TRHDE: variants seen among roughly 807,000 people sequenced by gnomAD.
The protein encoded by TRHDE is thyrotropin releasing hormone degrading enzyme.
TRHDE carries 72 observed loss-of-function variants against 125.7 expected under a neutral mutation model. That is an observed-to-expected ratio of 0.57 (90% CI 0.47 to 0.70). The LOEUF (loss-of-function observed/expected upper bound fraction) is 0.70. TRHDE is among the 30% of genes least tolerant of loss of function. The pLI is 0.00. For missense variants in TRHDE, 1,110 were observed against 1,327.1 expected (o/e 0.84, Z 2.54); for synonymous variants, 509 against 509.1 (o/e 1.00, Z 0.00).
intron 2 of TRHDE, among the ~76,000 whole-genome samples, chr12:72,340,599 T>C (rs144252231): frequency 3.3e-5 from 5 of 152,212 alleles, no homozygotes; most frequent in Non-Finnish European, 5.9e-5. Flanking sequence ...TCAACTTCAC[T>C]CTATGCTGTT....
chr12:72,469,238 G>C (rs1876529620), intron 3 of TRHDE, among the ~76,000 whole-genome samples: 1 of 152,022 alleles, frequency 6.6e-6, no homozygotes, highest in Non-Finnish European at 1.5e-5. Context: ...AGCTTTCCCT[G>C]TAAGATATAT....
intron 3 of TRHDE, among the ~76,000 whole-genome samples, chr12:72,414,504 G>T (rs1054827673): frequency 6.6e-6 from 1 of 152,096 alleles, no homozygotes; most frequent in African/African-American, 2.4e-5. Flanking sequence ...AAAAGGCAAA[G>T]AATTTCTCAA....
intron 1 of TRHDE, among the ~76,000 whole-genome samples, chr12:72,099,023 G>A (rs1038339146): frequency 2.6e-5 from 4 of 152,054 alleles, no homozygotes; most frequent in African/African-American, 9.7e-5. Context: ...AAATTTGCCG[G>A]GCATGGTGGT....
intron 9 of TRHDE, among the ~76,000 whole-genome samples, chr12:72,564,118 T>TATC (rs1870316446): frequency 6.6e-6 from 1 of 152,050 alleles, no homozygotes; most frequent in Non-Finnish European, 1.5e-5. Context: ...CAGTGTCTTC[T>TATC]ATCTCTCTCT....
intron 2 of TRHDE, among the ~76,000 whole-genome samples, chr12:72,339,832 C>T (rs910214125): frequency 6.6e-6 from 1 of 151,714 alleles, no homozygotes; most frequent in African/African-American, 2.4e-5. Context: ...TAGTTGAGTT[C>T]TCCACTGGAA....
chr12:72,495,205 T>C (rs966537108), intron 5 of TRHDE, among the ~76,000 whole-genome samples: 11 of 151,658 alleles, frequency 7.3e-5, no homozygotes, highest in African/African-American at 2.4e-4. Flanking sequence ...ATTCAAAATA[T>C]CTCTCAGATC....
chr12:72,368,354 T>C (rs899597255), intron 2 of TRHDE, among the ~76,000 whole-genome samples: 2 of 151,982 alleles, frequency 1.3e-5, no homozygotes, highest in African/African-American at 2.4e-5. Flanking sequence ...ATGTGTCTTC[T>C]TTTTTTGCAT....
Position 72,370,579 on chromosome 12 carries a change from C to T in TRHDE, c.1189-7416C>T, listed in dbSNP as rs920853368. On this transcript the variant is annotated intron_variant, in intron 2 of 18. Coordinates refer to ENST00000261180, the MANE Select transcript of TRHDE (RefSeq NM_013381.3). ...TCACCTATCACTATATATCTCCTCA[C>T]TTTTCTAATTAGTCTTTCTGCCTGC... 2.0e-5 allele frequency among the ~76,000 whole-genome samples: 3 copies of T among 152,164 alleles called. No individual in the cohort carries two copies. In the South Asian group the frequency reaches 6.2e-4, roughly 32 times the overall value.
upstream of TRHDE, chr12:72,271,843 G>A (rs1389856874): frequency 4.5e-6 from 2 of 447,566 alleles, no homozygotes; most frequent in East Asian, 1.4e-4. Flanking sequence ...TGGCCCGGCC[G>A]GACACTTCTT....
chr12:72,338,602 C>A (rs572913573), intron 2 of TRHDE, among the ~76,000 whole-genome samples: 1 of 152,218 alleles, frequency 6.6e-6, no homozygotes, highest in African/African-American at 2.4e-5. Flanking sequence ...GGATAAGTTT[C>A]TTCTACTTCA....
intron 2 of TRHDE, among the ~76,000 whole-genome samples, chr12:72,120,356 T>C (rs1875549223): frequency 1.3e-5 from 2 of 151,988 alleles, no homozygotes; most frequent in Non-Finnish European, 2.9e-5. Flanking sequence ...GCTTACTCTT[T>C]CCATTTTAAA....
chr12:72,195,952 A>G (rs942956453), intron 2 of TRHDE, among the ~76,000 whole-genome samples: 1 of 152,204 alleles, frequency 6.6e-6, no homozygotes, highest in Non-Finnish European at 1.5e-5. Context: ...ATGGCTAGCC[A>G]GCTATCCAAG....
chr12:72,618,863 A>G (rs1361089711), intron 12 of TRHDE, 28 bp from the exon 13 acceptor site: 3 of 1,450,868 alleles, frequency 2.1e-6, no homozygotes, highest in Non-Finnish European at 2.7e-6. Context: ...GTGCATCATC[A>G]TGTATCTTTT....
chr12:72,088,365 AG>A (rs1388999641), intron 1 of TRHDE, among the ~76,000 whole-genome samples: 1 of 152,114 alleles, frequency 6.6e-6, no homozygotes, highest in Non-Finnish European at 1.5e-5. Flanking sequence ...AAGATCTGGG[AG>A]AATGGTGAGT....
At chr12:72,466,601 A>G (rs1361798955) in intron 3 of TRHDE, among the ~76,000 whole-genome samples, 1 of 152,196 alleles carries the variant, frequency 6.6e-6, no homozygotes, top group African/African-American at 2.4e-5. Flanking sequence ...TACAATTCAT[A>G]CCAGTTCTCT....
intron 2 of TRHDE, among the ~76,000 whole-genome samples, chr12:72,235,059 G>T (rs1212880398): frequency 6.6e-6 from 1 of 152,046 alleles, no homozygotes; most frequent in Non-Finnish European, 1.5e-5. Context: ...TCAAATCCAG[G>T]TCATCTGACT....
rs529621051 is a variant in TRHDE at position 72,205,587 on chromosome 12, C to T, written n.279+99835C>T. Among the ~76,000 whole-genome samples the T allele has an allele frequency of 3.0e-4, 45 of 152,246 alleles. 1 individual carries two copies. Among genetic ancestry groups the T allele is most frequent in the African/African-American group, 1.1e-3 (45 of 41,530 alleles). On this transcript the variant is annotated intron_variant and non_coding_transcript_variant, in intron 2 of 4. Transcript: ENST00000548156. ...ATGAATTTGATTACTTTAGATATCC[C>T]ATGTAAGTAGAAACATGCAGTATTT...
At chr12:72,177,254 C>G (rs1458470808) in intron 2 of TRHDE, among the ~76,000 whole-genome samples, 1 of 152,054 alleles carries the variant, frequency 6.6e-6, no homozygotes, top group Non-Finnish European at 1.5e-5. Context: ...GTGGAAGGCT[C>G]CACTTGCAAC....
At chr12:72,310,595 G>C (rs1308154367) in intron 2 of TRHDE, among the ~76,000 whole-genome samples, 1 of 151,948 alleles carries the variant, frequency 6.6e-6, no homozygotes, top group East Asian at 1.9e-4. Flanking sequence ...AGCTGCACTA[G>C]GAATTGGAAA....
Sources: allele counts gnomAD v4.1 joint callset (sites outside exome capture counted in the v4.1 genomes callset), GRCh38; gene constraint gnomAD v4.1.1; transcripts MANE v1.5; gene names NCBI Gene and HGNC (gene_info 2026-07-23, HGNC 2026-07-21).